The following FAM174A variants were observed in gnomAD, a reference collection of about 807,000 sequenced individuals.
FAM174A encodes membrane protein FAM174A.
A neutral mutation model predicts 14.3 loss-of-function variants in FAM174A; 14 were observed. The ratio of observed to expected loss-of-function variants is 0.98; its 90% CI spans 0.65 to 1.53. The LOEUF (loss-of-function observed/expected upper bound fraction) is 1.53, where lower values mean the gene tolerates loss of function less well. FAM174A is among the 40% of genes most tolerant of loss of function. FAM174A has a pLI of 0.00. For synonymous variants in FAM174A, 108 were observed against 111.4 expected, an observed-to-expected ratio of 0.97 and a Z score of 0.19; for missense variants, 241 against 249.6, an observed-to-expected ratio of 0.97 and a Z score of 0.23.
At chr5:100,551,269 C>G (rs1746257192) in intron 1 of FAM174A, among the ~76,000 whole-genome samples, 1 of 152,164 alleles carries the variant, frequency 6.6e-6, no homozygotes, top group East Asian at 1.9e-4. Context: ...AGCAAAGTGG[C>G]TTGACATCTT....
intron 2 of FAM174A, chr5:100,581,418 G>A (rs2112405912): frequency 1.0e-5 from 10 of 981,002 alleles, no homozygotes; most frequent in African/African-American, 7.0e-5. Flanking sequence ...GGTGGCAATT[G>A]AGTTAAAGTT....
intron 2 of FAM174A, among the ~76,000 whole-genome samples, chr5:100,563,381 C>A (rs1460156063): frequency 7.3e-6 from 1 of 137,242 alleles, no homozygotes; most frequent in Non-Finnish European, 1.5e-5. Context: ...GATTTTAAGT[C>A]AAAAACTATC....
chr5:100,548,193 A>C (rs1746198234), intron 1 of FAM174A, among the ~76,000 whole-genome samples: 1 of 152,102 alleles, frequency 6.6e-6, no homozygotes, highest in Admixed American at 6.6e-5. Context: ...ATTGGTTTGA[A>C]TCAATTATTA....
At chr5:100,576,918 A>C (rs1444635230) in intron 2 of FAM174A, among the ~76,000 whole-genome samples, 1 of 152,166 alleles carries the variant, frequency 6.6e-6, no homozygotes, top group Non-Finnish European at 1.5e-5. Context: ...GCTTTTCCAG[A>C]AAGAAAAACT....
chr5:100,569,238 G>C (rs1353161682), intron 2 of FAM174A, among the ~76,000 whole-genome samples: 6 of 151,326 alleles, frequency 4.0e-5, no homozygotes, highest in Non-Finnish European at 5.9e-5. Context: ...ATACTTTTTT[G>C]TTGTATTTGA....
At chr5:100,539,005 T>C (rs952927363) in intron 1 of FAM174A, among the ~76,000 whole-genome samples, 1 of 152,162 alleles carries the variant, frequency 6.6e-6, no homozygotes, top group Non-Finnish European at 1.5e-5. Context: ...TCATGCCATG[T>C]CGTTGGTTTT....
In FAM174A at chr5:100,575,480, CTA is replaced by C. The variant is rs1746883419; in HGVS notation, c.570-10699_570-10698del. Among the ~76,000 whole-genome samples, 5 of 152,036 alleles carry C rather than the reference CTA, an allele frequency of 3.3e-5. No homozygotes were observed. In the South Asian group the frequency reaches 1.0e-3, roughly 32 times the overall value. Reference sequence around the variant, plus strand: ...AGTGTTCTCATTGTTCAATTCCCACCTATGAGTGAGAACATGCGGTGTTTGGT... The same window carrying C: ...AGTGTTCTCATTGTTCAATTCCCACCTGAGTGAGAACATGCGGTGTTTGGT... On this transcript the variant is annotated intron_variant, in intron 2 of 2. Transcript: ENST00000312637.
At chr5:100,569,689 T>A (rs988969187) in intron 2 of FAM174A, among the ~76,000 whole-genome samples, 2 of 151,888 alleles carry the variant, frequency 1.3e-5, no homozygotes, top group Non-Finnish European at 2.9e-5. Context: ...TTGGATAGAT[T>A]CATTCTTTCA....
chr5:100,543,875 A>C (rs896205153), intron 1 of FAM174A, among the ~76,000 whole-genome samples: 2 of 152,194 alleles, frequency 1.3e-5, no homozygotes, highest in East Asian at 3.8e-4. Flanking sequence ...GATGAAATGG[A>C]ACATGTACTC....
chr5:100,552,028 CAT>C (rs760188074), intron 1 of FAM174A, among the ~76,000 whole-genome samples: 2 of 152,112 alleles, frequency 1.3e-5, no homozygotes, highest in African/African-American at 4.8e-5. Context: ...AACATGCAGA[CAT>C]ATCCCTTATT....
At chr5:100,578,885 T>G (rs1746951629) in intron 2 of FAM174A, among the ~76,000 whole-genome samples, 1 of 152,218 alleles carries the variant, frequency 6.6e-6, no homozygotes. Flanking sequence ...TGCATACCTA[T>G]TTCAATATTT....
At chr5:100,577,234 T>C (rs1746921655) in intron 2 of FAM174A, among the ~76,000 whole-genome samples, 1 of 152,078 alleles carries the variant, frequency 6.6e-6, no homozygotes, top group African/African-American at 2.4e-5. Context: ...AAAATTATTT[T>C]AAAATCATTT....
chr5:100,547,457 T>C (rs937110586), intron 1 of FAM174A, among the ~76,000 whole-genome samples: 16 of 152,044 alleles, frequency 1.1e-4, no homozygotes, highest in Non-Finnish European at 2.1e-4. Flanking sequence ...GTTTTTCAAT[T>C]TGGGCTGCCA....
chr5:100,582,187 G>A (rs569528765), intron 2 of FAM174A, among the ~76,000 whole-genome samples: 37 of 151,834 alleles, frequency 2.4e-4, no homozygotes, highest in African/African-American at 6.8e-4. Flanking sequence ...GGTTTCAAGC[G>A]TTAAAAGGAC....
chr5:100,548,350 A>G (rs1296908144), intron 1 of FAM174A, among the ~76,000 whole-genome samples: 1 of 152,084 alleles, frequency 6.6e-6, no homozygotes, highest in Admixed American at 6.6e-5. Context: ...TCAGAACAAC[A>G]ACTAATCAAA....
chr5:100,551,411 G>A (rs892695791), intron 1 of FAM174A, among the ~76,000 whole-genome samples: 1 of 152,156 alleles, frequency 6.6e-6, no homozygotes, highest in East Asian at 1.9e-4. Context: ...CTAATGGGCA[G>A]CCTTTGCTTA....
intron 1 of FAM174A, among the ~76,000 whole-genome samples, chr5:100,556,680 A>C (rs1746391152): frequency 6.6e-6 from 1 of 152,062 alleles, no homozygotes. Context: ...TTAGATTCCT[A>C]GGTATTTTAT....
At chr5:100,546,567 A>G (rs922784544) in intron 1 of FAM174A, among the ~76,000 whole-genome samples, 1 of 152,172 alleles carries the variant, frequency 6.6e-6, no homozygotes, top group Admixed American at 6.5e-5. Context: ...TTGATTGATT[A>G]TATTTTTACT....
rs942752779 is a variant in FAM174A at position 100,548,433 on chromosome 5, C to G, written c.434+12469C>G. ...ATTATTATTACTACATAAGGATGAA[C>G]TAGAAAATATGGCTCAACTAAAACA... On this transcript the variant is annotated intron_variant, in intron 1 of 2. Transcript: ENST00000312637. 2.1e-4 allele frequency among the ~76,000 whole-genome samples: 32 copies of G among 152,002 alleles called. 1 individual carries two copies. The highest frequency in any genetic ancestry group is 1.7e-3 in the South Asian group (8 of 4,824).
Sources: allele counts gnomAD v4.1 joint callset (sites outside exome capture counted in the v4.1 genomes callset), GRCh38; gene constraint gnomAD v4.1.1; transcripts MANE v1.5; gene names NCBI Gene and HGNC (gene_info 2026-07-23, HGNC 2026-07-21).